The following TENM2 variants were observed in gnomAD, a reference collection of about 807,000 sequenced individuals.
TENM2 encodes the protein teneurin transmembrane protein 2.
In TENM2, 52 loss-of-function variants were observed where a neutral mutation model predicts 245.2. That is an observed-to-expected ratio of 0.21 (90% CI 0.17 to 0.27). The LOEUF (loss-of-function observed/expected upper bound fraction) is 0.27, where lower values mean the gene tolerates loss of function less well. Ranked by LOEUF, TENM2 falls within the 10% of genes least tolerant of loss-of-function variation. The pLI, the probability that TENM2 is intolerant of heterozygous loss-of-function variation, is 1.00. For synonymous variants in TENM2, 1,363 were observed against 1,438.9 expected (o/e 0.95, Z 1.19); for missense variants, 3,046 against 3,666.8 (o/e 0.83, Z 4.37).
At chr5:168,140,345 A>G (rs1353230605) in intron 12 of TENM2, among the ~76,000 whole-genome samples, 1 of 152,196 alleles carries the variant, frequency 6.6e-6, no homozygotes, top group Non-Finnish European at 1.5e-5. Context: ...TAAATCCAGC[A>G]TCTACACTAT....
At chr5:167,786,684 AG>A (rs1449598458) in intron 2 of TENM2, among the ~76,000 whole-genome samples, 11 of 152,352 alleles carry the variant, frequency 7.2e-5, no homozygotes, top group African/African-American at 2.6e-4. Flanking sequence ...GGTCCAAAAA[AG>A]GGGATGGGAA....
the TENM2 span, among the ~76,000 whole-genome samples, chr5:167,063,227 G>A: frequency 1.3e-5 from 2 of 152,250 alleles, no homozygotes; most frequent in East Asian, 1.9e-4. Context: ...GTCTTGCAGA[G>A]CTTATGATTC....
At chr5:168,236,969 T>C (rs1581723843) in intron 25 of TENM2, among the ~76,000 whole-genome samples, 1 of 7,162 alleles carries the variant, frequency 1.4e-4, no homozygotes, top group African/African-American at 6.4e-4. Context: ...TATATATATA[T>C]ATATATATAT....
chr5:167,654,106 G>GTACTTTTA (rs1754666312), intron 2 of TENM2, among the ~76,000 whole-genome samples: 5 of 151,802 alleles, frequency 3.3e-5, no homozygotes, highest in African/African-American at 7.3e-5. Flanking sequence ...TCAAATAGTA[G>GTACTTTTA]TACTTTTACT....
chr5:167,616,964 A>G (rs1243858279), intron 2 of TENM2, among the ~76,000 whole-genome samples: 1 of 151,948 alleles, frequency 6.6e-6, no homozygotes, highest in Non-Finnish European at 1.5e-5. Context: ...TTGCATGTCT[A>G]CCTCTCTCCC....
chr5:167,921,900 T>A (rs1445158814), intron 3 of TENM2, among the ~76,000 whole-genome samples: 1 of 152,080 alleles, frequency 6.6e-6, no homozygotes, highest in Non-Finnish European at 1.5e-5. Flanking sequence ...GCTGAGAGGA[T>A]TATAGAACTT....
At chr5:167,227,223 G>T in the TENM2 span, among the ~76,000 whole-genome samples, 1 of 151,740 alleles carries the variant, frequency 6.6e-6, no homozygotes, top group African/African-American at 2.4e-5. Flanking sequence ...ATTGTTCATT[G>T]TTTTCTAGTT....
At chr5:168,229,526 TAATAAATAAA>T (rs1035976204) in intron 25 of TENM2, 5 of 121,956 alleles carry the variant, frequency 4.1e-5, no homozygotes, top group Admixed American at 3.7e-4. Context: ...AAGTAAAAAC[TAATAAATAAA>T]AATAAATAAA....
Position 167,589,411 on chromosome 5 carries a change from CAT to C in TENM2, c.502+213939_502+213940del, listed in dbSNP as rs200693172. On this transcript the variant is annotated intron_variant, in intron 2 of 28. Coordinates refer to ENST00000518659, the Ensembl canonical transcript of TENM2. ...AACACTAATAGTTTTATTTTTTAAA[CAT>C]GTGTCAGAATTCAAATATAAGTGTG... Among the ~76,000 whole-genome samples, 1,221 of 152,148 alleles carry C rather than the reference CAT, an allele frequency of 8.0e-3. 17 individuals carry two copies. The highest frequency in any genetic ancestry group is 0.028 in the African/African-American group (1,143 of 41,512).
chr5:167,726,293 A>C (rs905771137), intron 2 of TENM2, among the ~76,000 whole-genome samples: 1 of 104,166 alleles, frequency 9.6e-6, no homozygotes. Flanking sequence ...GTGGAAGCAT[A>C]TTGACTGCCC....
the TENM2 span, among the ~76,000 whole-genome samples, chr5:167,212,980 A>G: frequency 3.2e-4 from 48 of 152,236 alleles, no homozygotes; most frequent in African/African-American, 1.2e-3. Flanking sequence ...CAAAGTGTAT[A>G]TTATGCGCAA....
chr5:168,233,901 T>TATCA (rs1490963834), intron 25 of TENM2, among the ~76,000 whole-genome samples: 2 of 152,150 alleles, frequency 1.3e-5, no homozygotes, highest in Non-Finnish European at 2.9e-5. Context: ...ACTTATTCAC[T>TATCA]ATCACTAGAA....
At chr5:167,255,637 T>C in the TENM2 span, among the ~76,000 whole-genome samples, 1 of 152,188 alleles carries the variant, frequency 6.6e-6, no homozygotes, top group Non-Finnish European at 1.5e-5. Context: ...GTGGCCCTGA[T>C]TTTACAGCTA....
chr5:167,941,379 C>T (rs1009590461), intron 3 of TENM2, among the ~76,000 whole-genome samples: 3 of 152,150 alleles, frequency 2.0e-5, no homozygotes, highest in African/African-American at 7.2e-5. Flanking sequence ...CACCATTGGA[C>T]AGTTTTATTT....
intron 2 of TENM2, among the ~76,000 whole-genome samples, chr5:167,795,672 G>T (rs1765267432): frequency 2.0e-5 from 3 of 151,796 alleles, no homozygotes; most frequent in Admixed American, 1.3e-4. Context: ...AAAAGTAAAA[G>T]AAAGAAAGAA....
the TENM2 span, among the ~76,000 whole-genome samples, chr5:167,199,785 A>G: frequency 6.6e-6 from 1 of 152,250 alleles, no homozygotes; most frequent in African/African-American, 2.4e-5. Context: ...TCGAGCTCCT[A>G]GAAAGAAGAG....
At position 167,979,257 on chromosome 5, in the gene TENM2, T is replaced by C. The variant is rs1386884694; in HGVS notation, c.948-13687T>C. Reference sequence around the variant, plus strand: ...GGATTCTTCTCTAGGTGGAGGGGGATCAACATAGGATTTTTCCAAGATTAA... The same window carrying C: ...GGATTCTTCTCTAGGTGGAGGGGGACCAACATAGGATTTTTCCAAGATTAA... On this transcript the variant is annotated intron_variant, in intron 4 of 28. Transcript: ENST00000518659. Among the ~76,000 whole-genome samples the C allele has an allele frequency of 4.6e-5, 7 of 152,126 alleles. No homozygotes were observed. In the South Asian group the frequency reaches 1.4e-3, roughly 32 times the overall value.
chr5:168,212,742 G>T (rs1259125345), intron 20 of TENM2, among the ~76,000 whole-genome samples: 2 of 152,140 alleles, frequency 1.3e-5, no homozygotes, highest in African/African-American at 4.8e-5. Flanking sequence ...GAGTAGAAAT[G>T]CCCTGGAAGG....
the TENM2 span, among the ~76,000 whole-genome samples, chr5:167,045,261 T>C: frequency 1.3e-5 from 2 of 152,326 alleles, no homozygotes; most frequent in Middle Eastern, 3.4e-3. Context: ...ACAAATTTTA[T>C]TATCTCACTG....
Sources: gnomAD v4.1 joint callset for allele counts (sites outside exome capture counted in the v4.1 genomes callset) on GRCh38, gnomAD v4.1.1 for gene constraint, MANE v1.5 for transcripts, NCBI Gene and HGNC (gene_info 2026-07-23, HGNC 2026-07-21) for gene names.